PVT1: variants seen among roughly 807,000 people sequenced by gnomAD.
PVT1 encodes Pvt1 oncogene.
intron 2 of PVT1, among the ~76,000 whole-genome samples, chr8:127,798,312 A>AAAC: frequency 6.6e-6 from 1 of 151,944 alleles, no homozygotes; most frequent in African/African-American, 2.4e-5. Flanking sequence ...CTCAAAAAAA[A>AAAC]AACAACAAGA....
intron 3 of PVT1, among the ~76,000 whole-genome samples, chr8:127,909,436 C>A (rs1815864312): frequency 6.6e-6 from 1 of 152,184 alleles, no homozygotes; most frequent in Non-Finnish European, 1.5e-5. Context: ...GCCTTACCAG[C>A]CTGTGATTCT....
At chr8:128,041,799 A>G (rs1813549037) in intron 4 of PVT1, among the ~76,000 whole-genome samples, 1 of 152,138 alleles carries the variant, frequency 6.6e-6, no homozygotes, top group Non-Finnish European at 1.5e-5. Context: ...CTCTCCTTAA[A>G]ACAGTTTGGA....
chr8:127,918,140 C>A (rs1048305809), intron 3 of PVT1, among the ~76,000 whole-genome samples: 1 of 152,194 alleles, frequency 6.6e-6, no homozygotes. Context: ...TGCCATGACT[C>A]GGGGGCGGCC....
Position 127,938,756 on chromosome 8 carries a change from T to C in PVT1, n.782+47758T>C, listed in dbSNP as rs138276173. On this transcript the variant is annotated intron_variant and non_coding_transcript_variant, in intron 3 of 10. Transcript: ENST00000651587. ...CTGTTTTTACTAATGTCCAAAATCT[T>C]AGGTTTATTGCCTTTGCGTTCCTCT... Among the ~76,000 whole-genome samples the C allele has an allele frequency of 2.6e-3, 397 of 152,302 alleles. 4 individuals are homozygous for C. The highest frequency in any genetic ancestry group is 8.8e-3 in the African/African-American group (364 of 41,564).
At chr8:127,947,012 G>T (rs1816428796) in intron 3 of PVT1, 1 of 152,164 alleles carries the variant, frequency 6.6e-6, no homozygotes, top group Admixed American at 6.5e-5. Flanking sequence ...CAGACTTGTT[G>T]TTTTCATAAT....
intron 2 of PVT1, among the ~76,000 whole-genome samples, chr8:127,813,214 T>TATACAA (rs1814619940): frequency 1.4e-5 from 2 of 139,960 alleles, no homozygotes; most frequent in Non-Finnish European, 3.0e-5. Context: ...TATACAAATA[T>TATACAA]ATATATATAA....
chr8:127,855,342 A>T (rs1046711721), intron 2 of PVT1: 1 of 396,556 alleles, frequency 2.5e-6, no homozygotes. Context: ...AGCTTGGGGG[A>T]TGGGAATGGG....
intron 4 of PVT1, among the ~76,000 whole-genome samples, chr8:128,031,352 A>G (rs567526789): frequency 1.3e-5 from 2 of 152,362 alleles, no homozygotes; most frequent in South Asian, 2.1e-4. Context: ...AGCAGCACAA[A>G]TAAAGTGAAA....
intron 4 of PVT1, among the ~76,000 whole-genome samples, chr8:128,013,326 G>A (rs189519867): frequency 1.4e-4 from 22 of 152,094 alleles, no homozygotes; most frequent in Non-Finnish European, 1.8e-4. Flanking sequence ...TAATGGTGTT[G>A]TTATCATTGT....
At chr8:127,951,818 CTTT>C (rs142500841) in intron 3 of PVT1, among the ~76,000 whole-genome samples, 7 of 144,692 alleles carry the variant, frequency 4.8e-5, no homozygotes, top group Admixed American at 1.4e-4. Flanking sequence ...AACAGAATTC[CTTT>C]TTTTTTTTTT....
intron 3 of PVT1, among the ~76,000 whole-genome samples, chr8:127,986,198 A>G (rs1368127055): frequency 6.6e-6 from 1 of 152,196 alleles, no homozygotes; most frequent in Non-Finnish European, 1.5e-5. Flanking sequence ...GATGATGTGA[A>G]ACTGTGGCAT....
chr8:127,843,091 C>T lies in PVT1; in HGVS notation n.372+47020C>T, dbSNP rs527609789. Among the ~76,000 whole-genome samples, 40 of 152,286 alleles carry T rather than the reference C, an allele frequency of 2.6e-4. No homozygotes were observed. In the South Asian group the frequency reaches 5.0e-3, roughly 19 times the overall value. ...GTGATATGGGCTGGGCACGGTGGCT[C>T]GTGCCTGTAATCTCAGCACTTTGGG... is the stretch of plus-strand genomic sequence containing the variant. On this transcript the variant is annotated intron_variant and non_coding_transcript_variant, in intron 2 of 10. Coordinates refer to ENST00000651587, the Ensembl canonical transcript of PVT1.
intron 4 of PVT1, among the ~76,000 whole-genome samples, chr8:128,046,575 C>T (rs1813615471): frequency 6.6e-6 from 1 of 152,214 alleles, no homozygotes; most frequent in Non-Finnish European, 1.5e-5. Context: ...ATCTGTCATT[C>T]TGTTGCTCTG....
chr8:127,935,965 T>G, intron 3 of PVT1, among the ~76,000 whole-genome samples: 1 of 147,098 alleles, frequency 6.8e-6, no homozygotes, highest in African/African-American at 2.5e-5. Flanking sequence ...CACGTGAGGG[T>G]GGAAGTGGTT....
chr8:128,044,942 C>T (rs1477977367), intron 4 of PVT1, among the ~76,000 whole-genome samples: 2 of 152,200 alleles, frequency 1.3e-5, no homozygotes, highest in Admixed American at 1.3e-4. Context: ...AGTTGACATA[C>T]ACTACTGTAA....
At chr8:128,060,586 A>G (rs2608056) in intron 4 of PVT1, among the ~76,000 whole-genome samples, 109,704 of 152,108 alleles carry the variant, frequency 0.72, 40,073 homozygotes, top group East Asian at 0.89. Context: ...CAACCTTCTC[A>G]TGGGAGGGAA....
intron 2 of PVT1, among the ~76,000 whole-genome samples, chr8:127,826,683 T>C (rs1814792490): frequency 6.6e-6 from 1 of 152,230 alleles, no homozygotes; most frequent in African/African-American, 2.4e-5. Flanking sequence ...ATGGTCATAG[T>C]GGCTGTTGCT....
intron 4 of PVT1, among the ~76,000 whole-genome samples, chr8:127,990,246 A>G (rs973471761): frequency 6.6e-6 from 1 of 152,128 alleles, no homozygotes; most frequent in African/African-American, 2.4e-5. Flanking sequence ...TGTCTCCACT[A>G]TACCATGGCT....
chr8:127,995,184 C>G (rs909964641), intron 4 of PVT1, among the ~76,000 whole-genome samples: 1 of 152,214 alleles, frequency 6.6e-6, no homozygotes, highest in African/African-American at 2.4e-5. Context: ...CCCTTTGATC[C>G]TTCACAGCCC....
Sources: allele counts gnomAD v4.1 joint callset (sites outside exome capture counted in the v4.1 genomes callset), GRCh38; gene constraint gnomAD v4.1.1; transcripts MANE v1.5; gene names NCBI Gene and HGNC (gene_info 2026-07-23, HGNC 2026-07-21).